The following CYRIB variants were observed in gnomAD, a reference collection of about 807,000 sequenced individuals.
The protein encoded by CYRIB is CYFIP-related Rac1 interactor B.
CYRIB carries 8 observed loss-of-function variants against 44.2 expected under a neutral mutation model. That is an observed-to-expected ratio of 0.18 (90% confidence interval 0.11 to 0.33). CYRIB has a LOEUF of 0.33. CYRIB is among the 10% of genes least tolerant of loss of function. CYRIB has a pLI of 1.00. For missense variants in CYRIB, 185 were observed against 382.8 expected (o/e 0.48, Z 4.31); for synonymous variants, 131 against 127.2 (o/e 1.03, Z -0.20).
At chr8:129,907,781 C>T (rs1268408087) in intron 1 of CYRIB, among the ~76,000 whole-genome samples, 1 of 152,104 alleles carries the variant, frequency 6.6e-6, no homozygotes, top group East Asian at 1.9e-4. Context: ...GTGGGTGGAT[C>T]ACCTAAGGTC....
chr8:129,840,521 G>T (rs1563871395), exon 12 of CYRIB: 1 of 152,084 alleles, frequency 6.6e-6, no homozygotes, highest in East Asian at 1.9e-4. Context: ...ATCTCCTGGG[G>T]GCCACTATTC....
intron 1 of CYRIB, among the ~76,000 whole-genome samples, chr8:129,923,496 A>C (rs1173930074): frequency 6.6e-6 from 1 of 151,938 alleles, no homozygotes; most frequent in Non-Finnish European, 1.5e-5. Flanking sequence ...GCTGGTCTCA[A>C]ACTCCTGGCC....
chr8:129,889,222 A>G (rs183720981), intron 2 of CYRIB, among the ~76,000 whole-genome samples: 11 of 152,340 alleles, frequency 7.2e-5, no homozygotes, highest in African/African-American at 2.6e-4. Flanking sequence ...TCAATATTCT[A>G]AGCCCACCAT....
intron 4 of CYRIB, among the ~76,000 whole-genome samples, chr8:129,870,900 G>C (rs1230744155): frequency 6.6e-6 from 1 of 152,134 alleles, no homozygotes; most frequent in African/African-American, 2.4e-5. Flanking sequence ...CAAAGGTAAA[G>C]AAGTCAGTCT....
At chr8:129,879,338 A>G (rs775007676) in intron 3 of CYRIB, 51 bp downstream of exon 5, 2 of 1,199,110 alleles carry the variant, frequency 1.7e-6, no homozygotes, top group Non-Finnish European at 2.5e-6. Context: ...GTGCAAGACA[A>G]ACGCAGTCTA....
intron 4 of CYRIB, among the ~76,000 whole-genome samples, chr8:129,863,813 T>A (rs962005431): frequency 3.9e-5 from 6 of 152,222 alleles, no homozygotes; most frequent in Admixed American, 3.9e-4. Context: ...CCATAGATGT[T>A]TTTTGTACTC....
intron 1 of CYRIB, among the ~76,000 whole-genome samples, chr8:129,980,983 CA>C (rs1009404130): frequency 5.6e-4 from 77 of 137,740 alleles, no homozygotes; most frequent in African/African-American, 9.9e-4. Flanking sequence ...GACACTATCT[CA>C]AAAAAAAAAA....
At chr8:129,870,368 C>A (rs1016863233) in intron 4 of CYRIB, among the ~76,000 whole-genome samples, 2 of 152,230 alleles carry the variant, frequency 1.3e-5, no homozygotes, top group African/African-American at 4.8e-5. Flanking sequence ...TGTGGTTGCA[C>A]CACTGCACTC....
At chr8:129,900,253 C>A (rs1220781711) in intron 2 of CYRIB, among the ~76,000 whole-genome samples, 7 of 152,124 alleles carry the variant, frequency 4.6e-5, no homozygotes, top group Non-Finnish European at 1.0e-4. Context: ...CTTTTGAGAA[C>A]CTCTTTAAAA....
chr8:129,983,647 A>C (rs2132837275), intron 1 of CYRIB, among the ~76,000 whole-genome samples: 1 of 152,290 alleles, frequency 6.6e-6, no homozygotes, highest in Non-Finnish European at 1.5e-5. Context: ...GGAGGGATCC[A>C]GGCCAGTCCC....
intron 4 of CYRIB, among the ~76,000 whole-genome samples, chr8:129,865,597 T>C (rs1439159115): frequency 6.6e-6 from 1 of 152,222 alleles, no homozygotes; most frequent in African/African-American, 2.4e-5. Context: ...ATAAACGTGT[T>C]GCAAGAGGCT....
At chr8:129,931,612 G>C (rs557585164) in intron 1 of CYRIB, among the ~76,000 whole-genome samples, 1 of 151,960 alleles carries the variant, frequency 6.6e-6, no homozygotes, top group Admixed American at 6.5e-5. Context: ...AATATGTGTC[G>C]TGTTCTTATC....
intron 3 of CYRIB, among the ~76,000 whole-genome samples, chr8:129,879,029 A>G (rs1019103013): frequency 3.3e-5 from 5 of 152,084 alleles, no homozygotes; most frequent in Non-Finnish European, 5.9e-5. Context: ...TTTCTTGACT[A>G]TAATATAAGT....
intron 2 of CYRIB, among the ~76,000 whole-genome samples, chr8:129,949,638 T>C (rs1438515658): frequency 1.3e-5 from 2 of 150,688 alleles, no homozygotes; most frequent in African/African-American, 4.9e-5. Context: ...GAGGCCGAGG[T>C]GGGCAGATCA....
At chr8:129,914,580 G>A (rs2079735669) in intron 1 of CYRIB, among the ~76,000 whole-genome samples, 1 of 152,048 alleles carries the variant, frequency 6.6e-6, no homozygotes, top group South Asian at 2.1e-4. Flanking sequence ...AAGAAACCAG[G>A]CACAGTTCTA....
chr8:130,001,482 G>A (rs76211885), intron 1 of CYRIB, among the ~76,000 whole-genome samples: 9,011 of 149,744 alleles, frequency 0.06, 323 homozygotes, highest in Middle Eastern at 0.079. Flanking sequence ...GCAACTGTTC[G>A]TCAGTGGCTC....
At chr8:129,881,346 G>T (rs757706089) in intron 2 of CYRIB, among the ~76,000 whole-genome samples, 3 of 152,094 alleles carry the variant, frequency 2.0e-5, no homozygotes, top group Non-Finnish European at 2.9e-5. Context: ...ATTGCTATGT[G>T]TTTTTCTCCA....
At chr8:129,923,133 C>T (rs981587584) in intron 1 of CYRIB, among the ~76,000 whole-genome samples, 3 of 148,862 alleles carry the variant, frequency 2.0e-5, no homozygotes, top group Non-Finnish European at 3.0e-5. Context: ...GTCCCAGCTA[C>T]TTGGGAGGCT....
chr8:129,861,328 C>T (rs1219385457), intron 5 of CYRIB, among the ~76,000 whole-genome samples: 9 of 152,226 alleles, frequency 5.9e-5, no homozygotes, highest in Non-Finnish European at 1.3e-4. Flanking sequence ...ATTGAAGACA[C>T]AATTCTGACC....
Sources: gnomAD v4.1 joint callset for allele counts (sites outside exome capture counted in the v4.1 genomes callset) on GRCh38, gnomAD v4.1.1 for gene constraint, MANE v1.5 for transcripts, NCBI Gene and HGNC (gene_info 2026-07-23, HGNC 2026-07-21) for gene names.